Variants in PADI6 observed in about 807,000 individuals in gnomAD.
PADI6 encodes inactive protein-arginine deiminase type-6.
A neutral mutation model predicts 78.2 loss-of-function variants in PADI6; 66 were observed. That is an observed-to-expected ratio of 0.84 (90% CI 0.69 to 1.04). The LOEUF is 1.04. PADI6 is among the 50% of genes least tolerant of loss of function. PADI6 has a pLI of 0.00. For missense variants in PADI6, 854 were observed against 866.1 expected (o/e 0.99, Z 0.18); for synonymous variants, 397 against 346.9 (o/e 1.14, Z -1.60).
In PADI6 at chr1:17,375,780, C is replaced by T. The variant is rs569784320; in HGVS notation, c.367+281C>T. 2.2e-4 allele frequency among the ~76,000 whole-genome samples: 34 copies of T among 152,254 alleles called. No individual in the cohort carries two copies. In the South Asian group the frequency reaches 5.6e-3, roughly 25 times the overall value. On this transcript the variant is annotated intron_variant, in intron 3 of 15. Coordinates refer to ENST00000619609, the MANE Select transcript of PADI6 (RefSeq NM_207421.4). ...CGTGTCGCTGCCATCTACCCACCTA[C>T]GCCTGTCTAGTGCCTACCTTCTTCC...
At chr1:17,399,775 T>C (rs2075283702) in intron 15 of PADI6, among the ~76,000 whole-genome samples, 1 of 151,064 alleles carries the variant, frequency 6.6e-6, no homozygotes, top group South Asian at 2.1e-4. Flanking sequence ...CAGTGGCTCA[T>C]GCCCGTAATC....
intron 3 of PADI6, among the ~76,000 whole-genome samples, chr1:17,379,543 C>G (rs978416938): frequency 6.6e-6 from 1 of 152,214 alleles, no homozygotes; most frequent in African/African-American, 2.4e-5. Flanking sequence ...GAGTGAGCCA[C>G]TGTGCCCGGC....
chr1:17,396,638 A>G (rs559566543), intron 13 of PADI6, among the ~76,000 whole-genome samples: 2 of 152,196 alleles, frequency 1.3e-5, no homozygotes, highest in Non-Finnish European at 2.9e-5. Context: ...CTATCACCTC[A>G]GAGCTGGCAA....
intron 14 of PADI6, among the ~76,000 whole-genome samples, chr1:17,397,950 G>T (rs2075262564): frequency 6.6e-6 from 1 of 152,150 alleles, no homozygotes; most frequent in African/African-American, 2.4e-5. Context: ...ATGCTTTCTG[G>T]ATGAAGTGGC....
chr1:17,375,711 T>C (rs2075009570), intron 3 of PADI6, among the ~76,000 whole-genome samples: 1 of 152,206 alleles, frequency 6.6e-6, no homozygotes, highest in South Asian at 2.1e-4. Flanking sequence ...TCCATCTTCG[T>C]GCACTGCCAA....
At chr1:17,397,162 G>T (rs768086255) in intron 14 of PADI6, 21 bp downstream of exon 14, 10 of 1,612,514 alleles carry the variant, frequency 6.2e-6, no homozygotes, top group African/African-American at 1.3e-5. Flanking sequence ...TGTGAAGGGG[G>T]CCATCCCCAA....
chr1:17,380,005 A>AG lies in PADI6; in HGVS notation c.435+23dup. ...AGGCTAAGGTGAGTCTGCCAGCAAA[A>AG]GGGGGCAGGGAAGGGGCCCTATAAG... is the stretch of plus-strand genomic sequence containing the variant. On this transcript the variant is annotated intron_variant, in intron 4 of 15. Transcript: ENST00000619609. The AG allele has an allele frequency of 1.9e-6, 3 of 1,612,398 alleles. No individual in the cohort carries two copies. Among genetic ancestry groups the AG allele is most frequent in the South Asian group, 1.1e-5 (1 of 91,008 alleles).
chr1:17,376,582 T>C (rs773025100), intron 3 of PADI6, among the ~76,000 whole-genome samples: 2 of 151,832 alleles, frequency 1.3e-5, no homozygotes, highest in Non-Finnish European at 2.9e-5. Context: ...GTATTTTTAG[T>C]GGAGACGGGA....
At chr1:17,375,209 AAGGTTAGGGTTGGG>A (rs1175810555) in intron 2 of PADI6, among the ~76,000 whole-genome samples, 2 of 152,118 alleles carry the variant, frequency 1.3e-5, no homozygotes, top group African/African-American at 2.4e-5. Context: ...GGCTCTCGAC[AAGGTTAGGGTTGGG>A]GGTCATGGCA....
intron 13 of PADI6, 92 bp from the exon 14 acceptor site, chr1:17,396,979 C>A: frequency 8.1e-7 from 1 of 1,232,388 alleles, no homozygotes; most frequent in African/African-American, 1.7e-5. Context: ...CAGGAATGCA[C>A]CCAGGTGGCT....
intron 15 of PADI6, 92 bp downstream of exon 15, chr1:17,398,939 A>AC (rs2075274523): frequency 7.5e-7 from 1 of 1,340,332 alleles, no homozygotes; most frequent in African/African-American, 1.5e-5. Context: ...GATATGGTGG[A>AC]CAGCAGATAA....
At position 17,395,713 on chromosome 1, in the gene PADI6, A is replaced by AG. The variant is rs750656146; in HGVS notation, c.1618+54dup. The AG allele has an allele frequency of 1.9e-6, 3 of 1,568,496 alleles. 1 individual carries two copies. The South Asian group carries it at 3.4e-5, about 18-fold the overall frequency. On this transcript the variant is annotated intron_variant, in intron 13 of 15. Transcript: ENST00000619609. ...ACAGAACTGGGGTCTTCCTTTTTCC[A>AG]GGGGTCCTTTCTACATAGCCATTCT... is the stretch of plus-strand genomic sequence containing the variant.
rs1193590337 is a variant in PADI6, at chr1:17,394,057, A to ATGAG, written c.1159_1162dup (p.Phe388Ter). The ATGAG allele has an allele frequency of 6.2e-7, 1 of 1,613,818 alleles. No homozygotes were observed. Among genetic ancestry groups the ATGAG allele is most frequent in the South Asian group, 1.1e-5 (1 of 91,072 alleles). ...GACACACCTCAGGCCGCCGATCTCGATGAGTTCCCCATGAAGTACTCACTG... is the reference window on the plus strand; with the variant it reads ...GACACACCTCAGGCCGCCGATCTCGATGAGTGAGTTCCCCATGAAGTACTCACTG... On this transcript the variant is annotated frameshift_variant, in exon 10 of 16. Coordinates refer to ENST00000619609, the MANE Select transcript of PADI6 (RefSeq NM_207421.4). LOFTEE classifies it high-confidence loss of function.
intron 15 of PADI6, among the ~76,000 whole-genome samples, chr1:17,399,598 ATATT>A (rs963247907): frequency 2.0e-5 from 3 of 151,546 alleles, no homozygotes; most frequent in Non-Finnish European, 2.9e-5. Flanking sequence ...TCCGTCTCTA[ATATT>A]TATTCTGCTT....
chr1:17,374,035 T>C (rs902635500), intron 2 of PADI6, among the ~76,000 whole-genome samples: 8 of 151,990 alleles, frequency 5.3e-5, no homozygotes, highest in African/African-American at 1.9e-4. Context: ...GGGGAGCTAA[T>C]AACATCAATA....
At chr1:17,391,878 A>G (rs957521142) in intron 8 of PADI6, among the ~76,000 whole-genome samples, 1 of 152,236 alleles carries the variant, frequency 6.6e-6, no homozygotes. Flanking sequence ...AGGGGCCGCC[A>G]CTGGCACTTC....
chr1:17,377,614 G>A (rs973728663), intron 3 of PADI6, among the ~76,000 whole-genome samples: 28 of 152,156 alleles, frequency 1.8e-4, no homozygotes, highest in African/African-American at 5.8e-4. Context: ...CACAGTAGGC[G>A]GTAGCTCCAT....
intron 14 of PADI6, among the ~76,000 whole-genome samples, 194 bp from the exon 15 acceptor site, chr1:17,398,492 C>T (rs897321550): frequency 6.6e-6 from 1 of 152,122 alleles, no homozygotes; most frequent in Non-Finnish European, 1.5e-5. Flanking sequence ...GCCCCTACTT[C>T]CCCATGTGAA....
intron 14 of PADI6, among the ~76,000 whole-genome samples, chr1:17,398,317 GA>G (rs1171785559): frequency 6.6e-6 from 1 of 152,170 alleles, no homozygotes; most frequent in Non-Finnish European, 1.5e-5. Context: ...GTATGTGTCT[GA>G]AGCCTATTTC....
Sources: gnomAD v4.1 joint callset for allele counts (sites outside exome capture counted in the v4.1 genomes callset) on GRCh38, gnomAD v4.1.1 for gene constraint, MANE v1.5 for transcripts, NCBI Gene and HGNC (gene_info 2026-07-23, HGNC 2026-07-21) for gene names.